The following PTK2 variants were observed in gnomAD, a reference collection of about 807,000 sequenced individuals.
PTK2 encodes the protein focal adhesion kinase 1.
A neutral mutation model predicts 150.1 loss-of-function variants in PTK2; 45 were observed. That is an observed-to-expected ratio of 0.30 (90% CI 0.24 to 0.38). The LOEUF (loss-of-function observed/expected upper bound fraction) is 0.38, where lower values mean the gene tolerates loss of function less well. Ranked by LOEUF, PTK2 falls within the 10% of genes least tolerant of loss-of-function variation. PTK2 has a pLI of 1.00. For missense variants in PTK2, 919 were observed against 1,307.3 expected, an observed-to-expected ratio of 0.70 and a Z score of 4.58; for synonymous variants, 432 against 449.2, an observed-to-expected ratio of 0.96 and a Z score of 0.48.
In PTK2 at chr8:140,851,562, A is replaced by G. The variant is rs1367682678; in HGVS notation, c.451-4884T>C. 2.6e-5 allele frequency among the ~76,000 whole-genome samples: 4 copies of G among 152,202 alleles called. No individual in the cohort carries two copies. In the East Asian group the frequency reaches 7.7e-4, roughly 29 times the overall value. On this transcript the variant is annotated intron_variant, in intron 5 of 31. Transcript: ENST00000522684. The stretch of plus-strand genomic sequence containing the variant: ...TGGTTAAGTAACCCCAAATTTTATT[A>G]AAAGTAAATGAAGGGGCCAGGCATG...
chr8:140,899,440 C>T (rs527879417), intron 2 of PTK2, among the ~76,000 whole-genome samples: 3 of 152,150 alleles, frequency 2.0e-5, no homozygotes, highest in Non-Finnish European at 2.9e-5. Flanking sequence ...TTCTTGGACA[C>T]ATACAACCTA....
intron 14 of PTK2, among the ~76,000 whole-genome samples, chr8:140,765,411 CTG>C (rs1301969131): frequency 1.3e-5 from 2 of 151,996 alleles, no homozygotes; most frequent in East Asian, 3.9e-4. Flanking sequence ...ATGGTAATGA[CTG>C]AGATCAAATC....
intron 17 of PTK2, among the ~76,000 whole-genome samples, chr8:140,751,387 C>T (rs1009431047): frequency 1.3e-5 from 2 of 152,084 alleles, no homozygotes; most frequent in African/African-American, 4.8e-5. Flanking sequence ...CCATGTTGCC[C>T]AGGCTGGTCT....
intron 1 of PTK2, among the ~76,000 whole-genome samples, chr8:140,941,875 T>TTTTG (rs71810443): frequency 2.7e-4 from 41 of 149,954 alleles, no homozygotes; most frequent in East Asian, 2.0e-3. Context: ...CCAGCTAACT[T>TTTTG]TTTGTTTGTT....
intron 1 of PTK2, among the ~76,000 whole-genome samples, chr8:140,955,195 C>G (rs2100180817): frequency 6.6e-6 from 1 of 152,218 alleles, no homozygotes; most frequent in Non-Finnish European, 1.5e-5. Flanking sequence ...CCACTCAAAT[C>G]TTGAATTGTA....
At chr8:140,702,217 A>G (rs2100030982) in intron 25 of PTK2, among the ~76,000 whole-genome samples, 1 of 125,696 alleles carries the variant, frequency 8.0e-6, no homozygotes, top group Non-Finnish European at 1.7e-5. Context: ...TGCTTTATTT[A>G]TTACCTTTTT....
intron 21 of PTK2, among the ~76,000 whole-genome samples, chr8:140,737,689 C>T (rs2100053383): frequency 6.6e-6 from 1 of 152,188 alleles, no homozygotes; most frequent in Non-Finnish European, 1.5e-5. Context: ...AGGACAACTA[C>T]ATTAAAATAA....
intron 1 of PTK2, among the ~76,000 whole-genome samples, chr8:140,982,162 T>A (rs910931063): frequency 1.3e-5 from 2 of 152,122 alleles, no homozygotes; most frequent in Non-Finnish European, 2.9e-5. Context: ...CTACAGTTTA[T>A]TTTGATTCAA....
rs578215829 is a variant in PTK2, at chr8:140,746,444, A to T, written c.1518+316T>A. 8.1e-5 allele frequency: 19 copies of T among 233,548 alleles called. 1 individual carries two copies. In the South Asian group the frequency reaches 1.9e-3, roughly 23 times the overall value. The allele number at this position is 233,548 out of a possible 1,614,324, so 14.5% of individuals were successfully genotyped here. A position where few individuals can be genotyped will look rare whatever the true frequency, so the allele number is the denominator to read the frequency against. ...TCCATTAAGATTGCTTCATCCTCAG[A>T]TCACTGGGCTAGTTTTTTAGGCAAT... On this transcript the variant is annotated intron_variant, in intron 18 of 31. Coordinates refer to ENST00000522684, the Ensembl canonical transcript of PTK2.
chr8:140,844,781 C>T (rs556822563), intron 7 of PTK2, among the ~76,000 whole-genome samples: 85 of 152,176 alleles, frequency 5.6e-4, no homozygotes, highest in African/African-American at 1.9e-3. Flanking sequence ...TTTTTTAATG[C>T]TACTGGTATT....
intron 4 of PTK2, among the ~76,000 whole-genome samples, chr8:140,877,445 C>T (rs924183958): frequency 6.6e-6 from 1 of 152,150 alleles, no homozygotes; most frequent in African/African-American, 2.4e-5. Flanking sequence ...TGAAGCCAGA[C>T]AGCTAAGTTC....
At chr8:140,895,795 G>A (rs548112051) in intron 2 of PTK2, among the ~76,000 whole-genome samples, 2 of 152,164 alleles carry the variant, frequency 1.3e-5, no homozygotes, top group African/African-American at 4.8e-5. Context: ...TGATTATTAT[G>A]CACTGTATGC....
chr8:140,911,944 T>C (rs2100163332), intron 2 of PTK2, among the ~76,000 whole-genome samples: 1 of 152,022 alleles, frequency 6.6e-6, no homozygotes, highest in Non-Finnish European at 1.5e-5. Context: ...TATATCAAAA[T>C]AGAATAGGCC....
At chr8:140,848,667 A>G (rs2100127187) in intron 5 of PTK2, among the ~76,000 whole-genome samples, 1 of 152,232 alleles carries the variant, frequency 6.6e-6, no homozygotes. Context: ...TACAAATAGT[A>G]GAAGCTCTTG....
chr8:140,681,753 G>A (rs2100017109), intron 27 of PTK2, among the ~76,000 whole-genome samples: 1 of 152,174 alleles, frequency 6.6e-6, no homozygotes, highest in Non-Finnish European at 1.5e-5. Context: ...CTCCAGCCTG[G>A]GCCACAGAGC....
At chr8:140,923,682 A>G (rs1407272382) in intron 2 of PTK2, among the ~76,000 whole-genome samples, 1 of 152,236 alleles carries the variant, frequency 6.6e-6, no homozygotes, top group East Asian at 1.9e-4. Context: ...ACTAATATAA[A>G]AGCCAACCAC....
At chr8:140,723,662 C>G (rs1371321269) in intron 22 of PTK2, among the ~76,000 whole-genome samples, 1 of 152,336 alleles carries the variant, frequency 6.6e-6, no homozygotes, top group African/African-American at 2.4e-5. Flanking sequence ...CTAATGTGAA[C>G]TGGCAACAAA....
At chr8:140,807,032 A>C (rs778404830) in intron 10 of PTK2, among the ~76,000 whole-genome samples, 1 of 152,212 alleles carries the variant, frequency 6.6e-6, no homozygotes, top group Non-Finnish European at 1.5e-5. Flanking sequence ...TGAGGATGGG[A>C]GTATCATGTC....
chr8:140,669,688 A>G, intron 29 of PTK2, 39 bp downstream of exon 33: 1 of 1,528,050 alleles, frequency 6.5e-7, no homozygotes, highest in Non-Finnish European at 8.8e-7. Flanking sequence ...GGTGTGATAG[A>G]GAGAGCTGGA....
Sources: gnomAD v4.1 joint callset for allele counts (sites outside exome capture counted in the v4.1 genomes callset) on GRCh38, gnomAD v4.1.1 for gene constraint, MANE v1.5 for transcripts, NCBI Gene and HGNC (gene_info 2026-07-23, HGNC 2026-07-21) for gene names.